Variants in IRAK1BP1 observed in about 807,000 individuals in gnomAD.
IRAK1BP1 encodes the protein interleukin 1 receptor associated kinase 1 binding protein 1.
Under a neutral mutation model 28.0 loss-of-function variants are expected in IRAK1BP1, and 24 were observed. The observed-to-expected ratio is 0.86, with a 90% CI of 0.62 to 1.20. The LOEUF is 1.20. Among genes scored for constraint, IRAK1BP1 ranks in the 50% most tolerant of loss-of-function variants. The pLI is 0.00. For synonymous variants in IRAK1BP1, 131 were observed against 116.3 expected, an observed-to-expected ratio of 1.13 and a Z score of -0.81; for missense variants, 336 against 316.7, an observed-to-expected ratio of 1.06 and a Z score of -0.46.
chr6:78,893,314 GTATATATATATA>G (rs60728695), intron 2 of IRAK1BP1, among the ~76,000 whole-genome samples: 30,831 of 103,536 alleles, frequency 0.3, 4,458 homozygotes, highest in Non-Finnish European at 0.34. Context: ...GTGTGTGTGT[GTATATATATATA>G]TATATATATA....
rs537775373 is a variant in IRAK1BP1 at position 78,939,894 on chromosome 6, C to A, written c.*68-5514C>A. ...ATAACTTGCTCTTTAGAATATATAG[C>A]CTTTCCAATATTGAAAAGTGTATGC... On this transcript the variant is annotated intron_variant and NMD_transcript_variant, in intron 4 of 4. Transcript: ENST00000606868. The A allele has an allele frequency of 1.1e-3, 172 of 152,520 alleles. 1 individual carries two copies. The highest frequency in any genetic ancestry group is 4.0e-3 in the African/African-American group (166 of 41,520). The allele number at this position is 152,520 out of a possible 1,614,324, so 9.4% of individuals were successfully genotyped here. A position where few individuals can be genotyped will look rare whatever the true frequency, so the allele number is the denominator to read the frequency against.
chr6:78,953,965 C>T, the IRAK1BP1 span, among the ~76,000 whole-genome samples: 1 of 152,154 alleles, frequency 6.6e-6, no homozygotes, highest in Non-Finnish European at 1.5e-5. Context: ...TATGATTGCA[C>T]GCCAAAATAA....
rs1772125355 is a variant in IRAK1BP1, at chr6:78,902,139, CT to C, written c.*3806del. On this transcript the variant is annotated 3_prime_UTR_variant, in exon 4 of 4. Coordinates refer to ENST00000369940, the MANE Select transcript of IRAK1BP1 (RefSeq NM_001010844.4). ...ATATATGGTATTTGCAACCAAATCACTGAGTTTGTTGTTGTCGTTGTTTGAG... is the reference window on the plus strand; with the variant it reads ...ATATATGGTATTTGCAACCAAATCACGAGTTTGTTGTTGTCGTTGTTTGAG... 1 of 152,156 alleles carries C rather than the reference CT, an allele frequency of 6.6e-6. No individual in the cohort carries two copies. Among genetic ancestry groups the C allele is most frequent in the Non-Finnish European group, 1.5e-5 (1 of 68,038 alleles). The allele number at this position is 152,156 out of a possible 1,614,324, so 9.4% of individuals were successfully genotyped here. A position where few individuals can be genotyped will look rare whatever the true frequency, so the allele number is the denominator to read the frequency against.
chr6:78,961,626 T>A, the IRAK1BP1 span: 1 of 1,540,418 alleles, frequency 6.5e-7, no homozygotes, highest in Non-Finnish European at 8.9e-7. Flanking sequence ...CTGCTAAAGA[T>A]CAGTAAATGG....
chr6:78,885,870 A>G (rs1017803289), intron 2 of IRAK1BP1, among the ~76,000 whole-genome samples: 5 of 152,350 alleles, frequency 3.3e-5, no homozygotes, highest in African/African-American at 1.2e-4. Context: ...TTCAACCTTT[A>G]TACAAATTAA....
chr6:78,955,659 A>G, the IRAK1BP1 span: 1 of 1,084,546 alleles, frequency 9.2e-7, no homozygotes, highest in Non-Finnish European at 1.4e-6. Context: ...ATAAAGTGGA[A>G]TTATGTTATA....
the IRAK1BP1 span, among the ~76,000 whole-genome samples, chr6:78,972,493 A>G: frequency 6.6e-6 from 1 of 152,244 alleles, no homozygotes; most frequent in Non-Finnish European, 1.5e-5. Flanking sequence ...AAAGGAACAC[A>G]GCTCCTCACC....
chr6:78,973,271 C>A, the IRAK1BP1 span, among the ~76,000 whole-genome samples: 2 of 151,404 alleles, frequency 1.3e-5, no homozygotes, highest in Non-Finnish European at 2.9e-5. Flanking sequence ...CATATCCAGC[C>A]AAAGTAAGCT....
chr6:78,957,645 CTAAG>C, the IRAK1BP1 span: 34 of 149,382 alleles, frequency 2.3e-4, no homozygotes, highest in Non-Finnish European at 4.3e-4. Flanking sequence ...CTGATAACAG[CTAAG>C]TAAGCTTTTA....
chr6:78,954,763 A>G, the IRAK1BP1 span: 1 of 1,159,378 alleles, frequency 8.6e-7, no homozygotes, highest in South Asian at 1.5e-5. Context: ...TGTCATGTAA[A>G]AGGTATGTAG....
rs67306723 is a variant in IRAK1BP1, at chr6:78,902,768, C to CTACA, written c.*4485_*4488dup. 75 of 312,120 alleles carry CTACA rather than the reference C, an allele frequency of 2.4e-4. No homozygotes were observed. Among genetic ancestry groups the CTACA allele is most frequent in the Middle Eastern group, 1.8e-3 (2 of 1,112 alleles). The allele number at this position is 312,120 out of a possible 1,614,324, so 19.3% of individuals were successfully genotyped here. A position where few individuals can be genotyped will look rare whatever the true frequency, so the allele number is the denominator to read the frequency against. On this transcript the variant is annotated 3_prime_UTR_variant, in exon 4 of 4. Coordinates refer to ENST00000369940, the MANE Select transcript of IRAK1BP1 (RefSeq NM_001010844.4). ...CCTGGGTGACAAAGTGAGACTCCAT[C>CTACA]TACATACATACATACATACATACAT...
chr6:78,887,817 T>G (rs9352672), intron 2 of IRAK1BP1, among the ~76,000 whole-genome samples: 1 of 151,856 alleles, frequency 6.6e-6, no homozygotes, highest in Non-Finnish European at 1.5e-5. Flanking sequence ...AAATTAAAAA[T>G]AGAACTACGA....
At chr6:78,919,370 A>G (rs1256256273) in intron 4 of IRAK1BP1, among the ~76,000 whole-genome samples, 1 of 152,164 alleles carries the variant, frequency 6.6e-6, no homozygotes, top group East Asian at 1.9e-4. Context: ...GAAATTGAGA[A>G]CCAAAAATCC....
chr6:78,969,089 T>C, the IRAK1BP1 span, among the ~76,000 whole-genome samples: 657 of 152,348 alleles, frequency 4.3e-3, 2 homozygotes, highest in African/African-American at 0.014. Flanking sequence ...TCTAGGGAAA[T>C]GGAACATGAG....
chr6:78,941,946 TGA>T (rs1773523631), intron 4 of IRAK1BP1, among the ~76,000 whole-genome samples: 1 of 152,164 alleles, frequency 6.6e-6, no homozygotes, highest in Non-Finnish European at 1.5e-5. Context: ...CTGGAGATGA[TGA>T]ATTACCTTTC....
At chr6:78,954,321 T>C in the IRAK1BP1 span, among the ~76,000 whole-genome samples, 2 of 151,924 alleles carry the variant, frequency 1.3e-5, no homozygotes, top group African/African-American at 4.8e-5. Context: ...TTAGCCAGGA[T>C]GGTCTCGATC....
intron 4 of IRAK1BP1, chr6:78,937,899 TA>T (rs1252711438): frequency 6.6e-6 from 1 of 151,700 alleles, no homozygotes; most frequent in Non-Finnish European, 1.5e-5. Context: ...TAGAAATACC[TA>T]AATTGGTTTA....
At chr6:78,926,782 G>T (rs763232744) in intron 4 of IRAK1BP1, among the ~76,000 whole-genome samples, 4 of 151,846 alleles carry the variant, frequency 2.6e-5, no homozygotes, top group African/African-American at 9.7e-5. Context: ...TCTGACAAAT[G>T]AGTAAGAACA....
At chr6:78,909,598 G>T (rs1295350368) in intron 4 of IRAK1BP1, among the ~76,000 whole-genome samples, 1 of 152,212 alleles carries the variant, frequency 6.6e-6, no homozygotes, top group African/African-American at 2.4e-5. Flanking sequence ...GAACAGCACT[G>T]CTGGGTCCCC....
Sources: allele counts gnomAD v4.1 joint callset (sites outside exome capture counted in the v4.1 genomes callset), GRCh38; gene constraint gnomAD v4.1.1; transcripts MANE v1.5; gene names NCBI Gene and HGNC (gene_info 2026-07-23, HGNC 2026-07-21).